Variants in IFT74 observed in about 807,000 individuals in gnomAD.
The protein encoded by IFT74 is intraflagellar transport protein 74 homolog.
Under a neutral mutation model 96.7 loss-of-function variants are expected in IFT74, and 92 were observed. The ratio of observed to expected loss-of-function variants is 0.95; its 90% confidence interval spans 0.80 to 1.13. IFT74 has a LOEUF of 1.13. IFT74 is among the 50% of genes most tolerant of loss of function. IFT74 has a pLI of 0.00. For synonymous variants in IFT74, 223 were observed against 213.2 expected, an observed-to-expected ratio of 1.05 and a Z score of -0.40; for missense variants, 811 against 698.2, an observed-to-expected ratio of 1.16 and a Z score of -1.82.
At chr9:27,043,972 C>A (rs933248977) in intron 13 of IFT74, among the ~76,000 whole-genome samples, 3 of 152,154 alleles carry the variant, frequency 2.0e-5, no homozygotes, top group Admixed American at 2.0e-4. Context: ...CGGATTATTT[C>A]ATCTCCCTGG....
At chr9:27,041,390 T>C (rs572729279) in intron 13 of IFT74, among the ~76,000 whole-genome samples, 25 of 152,144 alleles carry the variant, frequency 1.6e-4, no homozygotes, top group Admixed American at 1.4e-3. Context: ...GAGAATAGGG[T>C]GGAAACTGTC....
chr9:27,015,699 C>T lies in IFT74; in HGVS notation c.790-1208C>T, dbSNP rs182770267. On this transcript the variant is annotated intron_variant, in intron 10 of 19. Coordinates refer to ENST00000380062, the MANE Select transcript of IFT74 (RefSeq NM_025103.4). ...TTTTATTTTGTTCAAGTTGTAGGTC[C>T]GGTTTCAAATGTCACTGTTAACTCT... Among the ~76,000 whole-genome samples, 7 of 152,230 alleles carry T rather than the reference C, an allele frequency of 4.6e-5. No homozygotes were observed. The East Asian group carries it at 1.3e-3, about 29-fold the overall frequency.
At chr9:27,013,524 A>G (rs1829210513) in intron 10 of IFT74, among the ~76,000 whole-genome samples, 1 of 152,210 alleles carries the variant, frequency 6.6e-6, no homozygotes, top group Non-Finnish European at 1.5e-5. Flanking sequence ...TTCTAGATGT[A>G]ATGTATGTGA....
intron 10 of IFT74, among the ~76,000 whole-genome samples, chr9:27,015,799 A>T (rs893897300): frequency 1.1e-4 from 17 of 152,210 alleles, no homozygotes; most frequent in African/African-American, 4.1e-4. Flanking sequence ...TAGAGATGAT[A>T]GTACTATCTT....
At chr9:27,034,033 A>T (rs1257957897) in intron 13 of IFT74, among the ~76,000 whole-genome samples, 1 of 152,168 alleles carries the variant, frequency 6.6e-6, no homozygotes, top group Non-Finnish European at 1.5e-5. Context: ...TTTTCTGAGC[A>T]TCTATTAATA....
Position 27,055,736 on chromosome 9 carries a change from G to T in IFT74, c.1461G>T (p.Leu487Phe). 1.9e-6 allele frequency: 3 copies of T among 1,563,314 alleles called. No homozygotes were observed. Among genetic ancestry groups the T allele is most frequent in the South Asian group, 2.5e-5 (2 of 81,208 alleles). Residue 487 changes from leucine (L) to phenylalanine (F), a missense_variant, in exon 17 of 20, where the codon TTG becomes TTT. Leu to Phe is a conservative substitution (Grantham distance 22). Transcript: ENST00000380062. The part of the protein sequence containing the change: ...MTTDLEIYND[L>F]PALKSSGEEK... ...CTGATCTGGAGATATATAATGATTT[G>T]CCAGCTTTAAAATCATCAGGTGAAG...
chr9:26,983,028 A>G (rs764732177), intron 4 of IFT74, among the ~76,000 whole-genome samples: 1 of 152,038 alleles, frequency 6.6e-6, no homozygotes, highest in African/African-American at 2.4e-5. Flanking sequence ...TTTTTGGCAC[A>G]TTATTTGTAT....
intron 9 of IFT74, among the ~76,000 whole-genome samples, 192 bp from the exon 10 acceptor site, chr9:27,011,714 G>C (rs527897970): frequency 6.7e-6 from 1 of 148,740 alleles, no homozygotes; most frequent in East Asian, 2.0e-4. Flanking sequence ...GGGAAAAATA[G>C]AAATAATGAA....
chr9:27,047,817 AT>A (rs1373119100), intron 15 of IFT74, among the ~76,000 whole-genome samples: 1 of 152,178 alleles, frequency 6.6e-6, no homozygotes, highest in East Asian at 1.9e-4. Context: ...AAAAATGTTT[AT>A]TGGGCATCTA....
upstream of IFT74, among the ~76,000 whole-genome samples, chr9:26,951,974 T>G (rs1383466169): frequency 2.0e-5 from 3 of 152,246 alleles, no homozygotes; most frequent in Non-Finnish European, 4.4e-5. Context: ...TTGCCAGTAC[T>G]GTGGAACATG....
rs562922762 is a variant in IFT74 at position 27,065,434 on chromosome 9, C to T, written c.*2698C>T. ...ACCTTGTAAGTCACATGGAAAGAAG[C>T]TGCAGACTGAACAAACATGCTGAGC... On this transcript the variant is annotated 3_prime_UTR_variant, in exon 20 of 20. Transcript: ENST00000380062. Among the ~76,000 whole-genome samples the T allele has an allele frequency of 6.6e-6, 1 of 152,302 alleles. No individual in the cohort carries two copies. The highest frequency in any genetic ancestry group is 2.4e-5 in the African/African-American group (1 of 41,566).
rs538000350 is a variant in IFT74, at chr9:27,001,473, T to A, written c.588-7547T>A. On this transcript the variant is annotated intron_variant, in intron 8 of 19. Transcript: ENST00000380062. ...TCCACATCGTCACCAGCATCCGTTA[T>A]TGCCTGTCATATTGATAGAAGCTAC... Among the ~76,000 whole-genome samples the A allele has an allele frequency of 2.6e-4, 39 of 152,330 alleles. No individual in the cohort carries two copies. The South Asian group carries it at 4.1e-3, about 16-fold the overall frequency.
chr9:27,043,782 C>G (rs547328789), intron 13 of IFT74, among the ~76,000 whole-genome samples: 2 of 152,304 alleles, frequency 1.3e-5, no homozygotes, highest in African/African-American at 4.8e-5. Context: ...GCCAATCACT[C>G]TGGCTCTTAA....
intron 10 of IFT74, 102 bp from the exon 11 acceptor site, chr9:27,016,805 C>A: frequency 1.3e-6 from 1 of 752,406 alleles, no homozygotes; most frequent in Non-Finnish European, 2.0e-6. Flanking sequence ...TTTAAAGATG[C>A]TAGTAGTTTA....
At chr9:26,968,670 A>G (rs1826743653) in intron 2 of IFT74, among the ~76,000 whole-genome samples, 1 of 151,926 alleles carries the variant, frequency 6.6e-6, no homozygotes, top group South Asian at 2.1e-4. Context: ...TCATTTGTTC[A>G]TTTCTTCCAG....
chr9:26,971,056 G>A (rs1048747269), intron 2 of IFT74, among the ~76,000 whole-genome samples: 8 of 152,152 alleles, frequency 5.3e-5, no homozygotes, highest in African/African-American at 1.9e-4. Flanking sequence ...CTGAATCAAT[G>A]TTTTCTATTA....
intron 14 of IFT74, among the ~76,000 whole-genome samples, chr9:27,046,203 T>A (rs1177364994): frequency 6.6e-6 from 1 of 152,208 alleles, no homozygotes; most frequent in Non-Finnish European, 1.5e-5. Flanking sequence ...AAGCAGGATA[T>A]TCACACATAA....
At chr9:26,995,788 C>T (rs751444801) in intron 8 of IFT74, 5 of 1,613,662 alleles carry the variant, frequency 3.1e-6, no homozygotes, top group African/African-American at 1.3e-5. Context: ...GAAGTGAAGT[C>T]GTCAGTACAG....
At chr9:26,972,818 G>A (rs553884791) in intron 2 of IFT74, among the ~76,000 whole-genome samples, 3 of 152,176 alleles carry the variant, frequency 2.0e-5, no homozygotes, top group African/African-American at 7.2e-5. Context: ...TTAACTTCGG[G>A]CTCTGTATAT....
Sources: allele counts gnomAD v4.1 joint callset (sites outside exome capture counted in the v4.1 genomes callset), GRCh38; gene constraint gnomAD v4.1.1; transcripts MANE v1.5; gene names NCBI Gene and HGNC (gene_info 2026-07-23, HGNC 2026-07-21).